OMA1: variants seen among roughly 807,000 people sequenced by gnomAD.
OMA1 encodes the protein OMA1 zinc metallopeptidase.
In OMA1, 38 loss-of-function variants were observed where a neutral mutation model predicts 30.9. The observed-to-expected ratio is 1.23, with a 90% confidence interval of 0.95 to 1.61. OMA1 has a LOEUF of 1.61. OMA1 is among the 40% of genes most tolerant of loss of function. The probability of loss-of-function intolerance (pLI) is 0.00; values close to 1 mark genes in which losing one functional copy is unlikely to be tolerated. For synonymous variants in OMA1, 173 were observed against 121.9 expected (o/e 1.42, Z -2.76); for missense variants, 461 against 349.2 (o/e 1.32, Z -2.55).
At position 58,491,213 on chromosome 1, in the gene OMA1, C is replaced by A. The variant is rs530711121; in HGVS notation, c.1366-10039G>T. Among the ~76,000 whole-genome samples the A allele has an allele frequency of 2.0e-5, 3 of 152,208 alleles. No individual in the cohort carries two copies. The South Asian group carries it at 6.2e-4, about 32-fold the overall frequency. On this transcript the variant is annotated intron_variant, in intron 8 of 8. Transcript: ENST00000371226. ...AAAATACTTTACAGACAAGCAAATG[C>A]TCAGAGATTTTGTCACCACCAGGCC...
intron 1 of OMA1, among the ~76,000 whole-genome samples, chr1:58,545,877 AC>A (rs1477323647): frequency 6.6e-6 from 1 of 152,196 alleles, no homozygotes; most frequent in Non-Finnish European, 1.5e-5. Context: ...AAAGAATTGG[AC>A]GGCAGCAGAC....
intron 8 of OMA1, among the ~76,000 whole-genome samples, chr1:58,504,377 T>C (rs1471902057): frequency 6.6e-6 from 1 of 152,178 alleles, no homozygotes; most frequent in African/African-American, 2.4e-5. Context: ...AAAGGCTCTC[T>C]CTCCCTCCAC....
intron 8 of OMA1, among the ~76,000 whole-genome samples, chr1:58,489,480 G>A (rs576621267): frequency 7.2e-5 from 11 of 152,330 alleles, no homozygotes; most frequent in African/African-American, 1.7e-4. Flanking sequence ...GCAGCTCAAG[G>A]AGGCCTGCCT....
chr1:58,540,491 A>G (rs933055577), intron 1 of OMA1, among the ~76,000 whole-genome samples: 1 of 151,898 alleles, frequency 6.6e-6, no homozygotes, highest in Non-Finnish European at 1.5e-5. Flanking sequence ...TATACTGCAC[A>G]TGTTTAAGAA....
At chr1:58,517,126 G>C (rs561960769) in intron 7 of OMA1, among the ~76,000 whole-genome samples, 1 of 152,296 alleles carries the variant, frequency 6.6e-6, no homozygotes, top group East Asian at 1.9e-4. Context: ...ATTCTCACTA[G>C]TCAGACTACA....
chr1:58,490,722 C>G (rs1488489018), intron 8 of OMA1, among the ~76,000 whole-genome samples: 1 of 149,634 alleles, frequency 6.7e-6, no homozygotes, highest in African/African-American at 2.4e-5. Flanking sequence ...AAGGGAAGCC[C>G]ATCAGACTAA....
intron 8 of OMA1, among the ~76,000 whole-genome samples, chr1:58,502,771 C>T (rs1003488293): frequency 2.0e-5 from 3 of 152,166 alleles, no homozygotes; most frequent in Non-Finnish European, 4.4e-5. Context: ...TACCCTTGTA[C>T]TATCAGTTTC....
intron 8 of OMA1, among the ~76,000 whole-genome samples, chr1:58,490,442 T>C (rs543662665): frequency 6.6e-6 from 1 of 152,050 alleles, no homozygotes; most frequent in African/African-American, 2.4e-5. Context: ...TGGGACTATG[T>C]GAAAAGACCA....
intron 1 of OMA1, among the ~76,000 whole-genome samples, chr1:58,542,923 G>A (rs1047863306): frequency 6.6e-6 from 1 of 152,086 alleles, no homozygotes; most frequent in Non-Finnish European, 1.5e-5. Context: ...TGTAAGTTGG[G>A]TCTACAGCGG....
chr1:58,534,219 G>A lies in OMA1; in HGVS notation c.842C>T (p.Ser281Phe), dbSNP rs771909169. The change falls in exon 4 of 9, where the codon TCT (serine) becomes TTT (phenylalanine). Residue 281 changes from serine (S) to phenylalanine (F), a missense_variant. Transcript: ENST00000371226. ...CACATGAATAACCCAATTGATCTGA[G>A]AGATCCCTGGAACATCTTTATTGCA... ...IECNKDVPGI[S>F]QINWVIHVVD... 1.1e-6 allele frequency: 1 copy of A among 871,810 alleles called. No individual in the cohort carries two copies. Among genetic ancestry groups the A allele is most frequent in the Non-Finnish European group, 2.0e-6 (1 of 501,468 alleles). The allele number at this position is 871,810 out of a possible 1,614,324, so 54.0% of individuals were successfully genotyped here.
intron 8 of OMA1, among the ~76,000 whole-genome samples, chr1:58,503,841 GAACA>G (rs556941090): frequency 3.5e-3 from 528 of 152,232 alleles, no homozygotes; most frequent in Non-Finnish European, 6.0e-3. Context: ...ATTGCAACCT[GAACA>G]AACTAAAATA....
chr1:58,506,021 A>T (rs1483033693), intron 8 of OMA1, 39 bp downstream of exon 8: 1 of 810,010 alleles, frequency 1.2e-6, no homozygotes, highest in Admixed American at 1.8e-5. Flanking sequence ...TAAATGATAC[A>T]GTAAAAATAA....
chr1:58,490,011 T>G (rs1041482257), intron 8 of OMA1, among the ~76,000 whole-genome samples: 3 of 152,084 alleles, frequency 2.0e-5, no homozygotes, highest in African/African-American at 7.2e-5. Flanking sequence ...GCAGAAAAAC[T>G]GAAAATTCTA....
chr1:58,487,099 G>A (rs926307886), intron 8 of OMA1, among the ~76,000 whole-genome samples: 5 of 152,222 alleles, frequency 3.3e-5, no homozygotes, highest in African/African-American at 9.6e-5. Context: ...ACGTGACATC[G>A]TGAGGTGAAA....
intron 8 of OMA1, among the ~76,000 whole-genome samples, chr1:58,503,265 C>T (rs754040955): frequency 6.6e-6 from 1 of 152,054 alleles, no homozygotes; most frequent in Non-Finnish European, 1.5e-5. Flanking sequence ...TCCCAGGGTG[C>T]GATAAAGTCC....
At chr1:58,493,523 G>A (rs1480981525) in intron 8 of OMA1, among the ~76,000 whole-genome samples, 20 of 151,278 alleles carry the variant, frequency 1.3e-4, no homozygotes, top group Admixed American at 5.9e-4. Flanking sequence ...AAACCCCATC[G>A]TCTCAGCCCA....
chr1:58,493,925 T>C lies in OMA1; in HGVS notation c.1365+12135A>G, dbSNP rs201962407. On this transcript the variant is annotated intron_variant, in intron 8 of 8. Transcript: ENST00000371226. Reference sequence around the variant, plus strand: ...AGAATTGGAAAAAACTACTTTAAAGTTCATATGGTACCAAAAAAGAGCCCT... The same window carrying C: ...AGAATTGGAAAAAACTACTTTAAAGCTCATATGGTACCAAAAAAGAGCCCT... Among the ~76,000 whole-genome samples, 115 of 147,184 alleles carry C rather than the reference T, an allele frequency of 7.8e-4. 1 individual carries two copies. The East Asian group carries it at 0.02, about 26-fold the overall frequency.
intron 8 of OMA1, among the ~76,000 whole-genome samples, chr1:58,482,567 C>T (rs1645506141): frequency 1.3e-5 from 2 of 152,102 alleles, no homozygotes; most frequent in African/African-American, 2.4e-5. Context: ...CTTTCTGATA[C>T]TGATGTGTCT....
At chr1:58,529,845 T>C (rs1646406449) in intron 6 of OMA1, among the ~76,000 whole-genome samples, 2 of 152,180 alleles carry the variant, frequency 1.3e-5, no homozygotes, top group African/African-American at 4.8e-5. Context: ...TATGAGAGGA[T>C]GTGCATAGTT....
Sources: gnomAD v4.1 joint callset for allele counts (sites outside exome capture counted in the v4.1 genomes callset) on GRCh38, gnomAD v4.1.1 for gene constraint, MANE v1.5 for transcripts, NCBI Gene and HGNC (gene_info 2026-07-23, HGNC 2026-07-21) for gene names.